Variants in STKLD1 observed in about 807,000 individuals in gnomAD.
The protein encoded by STKLD1 is serine/threonine kinase like domain containing 1.
Under a neutral mutation model 80.4 loss-of-function variants are expected in STKLD1, and 79 were observed. That is an observed-to-expected ratio of 0.98 (90% confidence interval 0.82 to 1.19). The LOEUF (loss-of-function observed/expected upper bound fraction) is 1.19, where lower values mean the gene tolerates loss of function less well. Ranked by LOEUF, STKLD1 falls within the 50% of genes most tolerant of loss-of-function variation. The pLI is 0.00. For missense variants in STKLD1, 841 were observed against 856.0 expected, an observed-to-expected ratio of 0.98 and a Z score of 0.22; for synonymous variants, 393 against 357.6, an observed-to-expected ratio of 1.10 and a Z score of -1.12.
chr9:133,382,761 ATGGTGATGATGG>A (rs1413186018), intron 2 of STKLD1, among the ~76,000 whole-genome samples: 2 of 142,072 alleles, frequency 1.4e-5, no homozygotes, highest in Non-Finnish European at 1.5e-5. Context: ...GATGGTAATG[ATGGTGATGATGG>A]TGGTGATGAT....
chr9:133,401,970 T>A, intron 13 of STKLD1, 92 bp downstream of exon 13: 1 of 1,514,830 alleles, frequency 6.6e-7, no homozygotes, highest in South Asian at 1.2e-5. Flanking sequence ...ATAGGTGGGT[T>A]GGACAGGACA....
rs1211642217 is a variant in STKLD1, at chr9:133,389,066, G to C, written c.397-460G>C. ...TTTAGAATCACCGCGCTGGGTACTC[G>C]ATGGAGCTTGTCTCTGATGCAGAAC... On this transcript the variant is annotated intron_variant, in intron 5 of 17. Coordinates refer to ENST00000371957, the MANE Select transcript of STKLD1 (RefSeq NM_153710.5). The surrounding 1 kb of genome is among the most constrained non-coding windows in gnomAD (Gnocchi z 6.4). 1.4e-5 allele frequency: 14 copies of C among 985,240 alleles called. No homozygotes were observed. The South Asian group carries it at 6.6e-4, about 46-fold the overall frequency. 61.0% of individuals were successfully genotyped at this position (985,240 alleles called of 1,614,324 possible).
Position 133,405,063 on chromosome 9 carries a change from C to A in STKLD1, c.1873+134C>A. 2.9e-6 allele frequency: 4 copies of A among 1,394,288 alleles called. No individual in the cohort carries two copies. In the South Asian group the frequency reaches 5.1e-5, roughly 18 times the overall value. 86.4% of individuals were successfully genotyped at this position (1,394,288 alleles called of 1,614,324 possible). A position where few individuals can be genotyped will look rare whatever the true frequency, so the allele number is the denominator to read the frequency against. On this transcript the variant is annotated intron_variant, in intron 17 of 17. Transcript: ENST00000371957. Reference sequence around the variant, plus strand: ...CTTCTCGGCCCACTTAAACTTCCCACTCATTTGGCATCTTCTGAGCACCAG... The same window carrying A: ...CTTCTCGGCCCACTTAAACTTCCCAATCATTTGGCATCTTCTGAGCACCAG...
Position 133,379,029 on chromosome 9 carries a change from C to T in STKLD1, c.88-7C>T. 5 of 1,611,730 alleles carry T rather than the reference C, an allele frequency of 3.1e-6. No individual in the cohort carries two copies. The highest frequency in any genetic ancestry group is 4.2e-6 in the Non-Finnish European group (5 of 1,178,824). ...TTCCTGAAAGCTTCTCTCTTCCTTG[C>T]TGATAGGTTTTGTACCAGCTGAATC... On this transcript the variant is annotated splice_region_variant and splice_polypyrimidine_tract_variant and intron_variant, in intron 1 of 17. Coordinates refer to ENST00000371957, the MANE Select transcript of STKLD1 (RefSeq NM_153710.5).
intron 2 of STKLD1, 78 bp downstream of exon 2, chr9:133,379,200 T>C (rs1838075818): frequency 3.2e-6 from 4 of 1,243,162 alleles, no homozygotes; most frequent in Non-Finnish European, 4.6e-6. Context: ...TCTTCCCATG[T>C]TGGAGAAGCT....
In STKLD1 at chr9:133,400,352, G is replaced by C; in HGVS notation, c.1082-61G>C. ...CTACCAGCCTCTGGGGGCCCTGGTC[G>C]GGTCTATATGCCCCCGATCTGGCCC... On this transcript the variant is annotated intron_variant, in intron 11 of 17. Coordinates refer to ENST00000371957, the MANE Select transcript of STKLD1 (RefSeq NM_153710.5). 3 of 1,273,484 alleles carry C rather than the reference G, an allele frequency of 2.4e-6. No homozygotes were observed. In the South Asian group the frequency reaches 3.6e-5, roughly 15 times the overall value. 78.9% of individuals were successfully genotyped at this position (1,273,484 alleles called of 1,614,324 possible).
At position 133,385,720 on chromosome 9, in the gene STKLD1, A is replaced by C; in HGVS notation, c.294+29A>C. On this transcript the variant is annotated intron_variant, in intron 4 of 17. Coordinates refer to ENST00000371957, the MANE Select transcript of STKLD1 (RefSeq NM_153710.5). This position sits in a 1 kb window ranked among gnomAD's most constrained non-coding sequence, Gnocchi z 4.9. ...GGTCAGAGCTGACACCTACGGGCTC[A>C]GCCGCCACGCAGTGGGCTGCAGGAC... 1 of 1,607,662 alleles carries C rather than the reference A, an allele frequency of 6.2e-7. No homozygotes were observed. Among genetic ancestry groups the C allele is most frequent in the Non-Finnish European group, 8.5e-7 (1 of 1,175,626 alleles).
In STKLD1 at chr9:133,403,748, G is replaced by A. The variant is rs1554778138; in HGVS notation, c.1523G>A (p.Ser508Asn). The change falls in exon 15 of 18, where the codon AGC (serine) becomes AAC (asparagine). Residue 508 changes from serine (S) to asparagine (N), a missense_variant. Ser to Asn is a conservative substitution (Grantham distance 46). Coordinates refer to ENST00000371957, the MANE Select transcript of STKLD1 (RefSeq NM_153710.5). ...TTGGAGAAGGTCCCGGACCTCATCAGCCAGGTGTTGGCCACCTACCCTGCG... is the reference window on the plus strand; with the variant it reads ...TTGGAGAAGGTCCCGGACCTCATCAACCAGGTGTTGGCCACCTACCCTGCG... ...APLEKVPDLI[S>N]QVLATYPADG... The A allele has an allele frequency of 2.5e-6, 4 of 1,613,716 alleles. No homozygotes were observed. The highest frequency in any genetic ancestry group is 3.4e-6 in the Non-Finnish European group (4 of 1,179,974).
Position 133,399,895 on chromosome 9 carries a change from GA to G in STKLD1, c.1082-517del, listed in dbSNP as rs1316583201. 9.4e-4 allele frequency among the ~76,000 whole-genome samples: 126 copies of G among 134,430 alleles called. 1 individual carries two copies. The highest frequency in any genetic ancestry group is 1.2e-3 in the African/African-American group (38 of 31,752). 88.2% of individuals were successfully genotyped at this position (134,430 alleles called of 152,430 possible). On this transcript the variant is annotated intron_variant, in intron 11 of 17. Transcript: ENST00000371957. The stretch of plus-strand genomic sequence containing the variant: ...CTCTGTTTCAAAAAAAAAAAAAAAA[GA>G]GGGGGGGGTCTTGCTTCGCTCCACA...
chr9:133,387,365 G>T (rs895274397), intron 4 of STKLD1, 82 bp from the exon 5 acceptor site: 6 of 1,120,038 alleles, frequency 5.4e-6, no homozygotes, highest in Middle Eastern at 2.6e-4. Context: ...GCAGCTGAGC[G>T]CAGGGAGGCC....
At position 133,385,840 on chromosome 9, in the gene STKLD1, A is replaced by C; in HGVS notation, c.294+149A>C. ...TGTAAACGTGGCCACCCCTGACCTA[A>C]CACTCACTGGGGCCAGGTACCATGC... is the stretch of plus-strand genomic sequence containing the variant. On this transcript the variant is annotated intron_variant, in intron 4 of 17. Transcript: ENST00000371957. The surrounding 1 kb of genome is among the most constrained non-coding windows in gnomAD (Gnocchi z 4.9). 1.5e-6 allele frequency: 1 copy of C among 661,856 alleles called. No individual in the cohort carries two copies. The highest frequency in any genetic ancestry group is 2.6e-6 in the Non-Finnish European group (1 of 384,606). 41.0% of individuals were successfully genotyped at this position (661,856 alleles called of 1,614,324 possible).
At chr9:133,402,849 C>T in intron 13 of STKLD1, 29 bp from the exon 14 acceptor site, 1 of 1,591,082 alleles carries the variant, frequency 6.3e-7, no homozygotes, top group African/African-American at 1.3e-5. Context: ...GGGAGGGGCC[C>T]TGGGGCCCTC....
At chr9:133,401,947 G>A in intron 13 of STKLD1, 69 bp downstream of exon 13, 1 of 1,582,722 alleles carries the variant, frequency 6.3e-7, no homozygotes, top group Non-Finnish European at 8.6e-7. Flanking sequence ...TCTTGGAAGG[G>A]TTGGTTTGGG....
At position 133,399,843 on chromosome 9, in the gene STKLD1, C is replaced by T. The variant is rs1432219027; in HGVS notation, c.1082-570C>T. Reference sequence around the variant, plus strand: ...GCAGTGAGCTGAGATGATGCCACTGCACAACGGCCTAGGCGACAGAGTGAG... The same window carrying T: ...GCAGTGAGCTGAGATGATGCCACTGTACAACGGCCTAGGCGACAGAGTGAG... On this transcript the variant is annotated intron_variant, in intron 11 of 17. Coordinates refer to ENST00000371957, the MANE Select transcript of STKLD1 (RefSeq NM_153710.5). Among the ~76,000 whole-genome samples, 3 of 148,850 alleles carry T rather than the reference C, an allele frequency of 2.0e-5. No homozygotes were observed. The South Asian group carries it at 6.3e-4, about 31-fold the overall frequency.
At chr9:133,388,762 C>T (rs1588742951) in intron 5 of STKLD1, 6 of 985,284 alleles carry the variant, frequency 6.1e-6, no homozygotes, top group Non-Finnish European at 7.2e-6. Context: ...ATGCTACCTG[C>T]TTTTACCCTG....
chr9:133,386,916 G>A (rs2130278382), intron 4 of STKLD1, among the ~76,000 whole-genome samples: 2 of 152,238 alleles, frequency 1.3e-5, no homozygotes, highest in African/African-American at 4.8e-5. Context: ...CTGCTCCAGC[G>A]GGTCTTGGGG....
intron 2 of STKLD1, among the ~76,000 whole-genome samples, chr9:133,380,774 G>A (rs1314006193): frequency 1.3e-5 from 2 of 152,154 alleles, no homozygotes; most frequent in South Asian, 2.1e-4. Flanking sequence ...TTTCCTAAGC[G>A]TTTGTAAACT....
chr9:133,395,012 A>G (rs1838522735), intron 8 of STKLD1, among the ~76,000 whole-genome samples: 1 of 152,138 alleles, frequency 6.6e-6, no homozygotes, highest in Non-Finnish European at 1.5e-5. Flanking sequence ...CCTATCCTCT[A>G]TATGCAGAAG....
At chr9:133,386,162 G>T (rs1002529770) in intron 4 of STKLD1, among the ~76,000 whole-genome samples, 1 of 152,094 alleles carries the variant, frequency 6.6e-6, no homozygotes, top group African/African-American at 2.4e-5. Flanking sequence ...TAAGTGATCC[G>T]CCCGCCTCGG....
Sources: allele counts gnomAD v4.1 joint callset (sites outside exome capture counted in the v4.1 genomes callset), GRCh38; gene constraint gnomAD v4.1.1; non-coding constraint Gnocchi (gnomAD v3.1); transcripts MANE v1.5; gene names NCBI Gene and HGNC (gene_info 2026-07-23, HGNC 2026-07-21).